ACO2: variants seen among roughly 807,000 people sequenced by gnomAD.
The protein encoded by ACO2 is aconitate hydratase, mitochondrial.
In ACO2, 31 loss-of-function variants were observed where a neutral mutation model predicts 84.5. The ratio of observed to expected loss-of-function variants is 0.37; its 90% CI spans 0.28 to 0.50. ACO2 has a LOEUF of 0.50. ACO2 is among the 20% of genes least tolerant of loss of function. The pLI, the probability that ACO2 is intolerant of heterozygous loss-of-function variation, is 0.97. For synonymous variants in ACO2, 414 were observed against 412.7 expected, an observed-to-expected ratio of 1.00 and a Z score of -0.04; for missense variants, 685 against 1,029.3, an observed-to-expected ratio of 0.67 and a Z score of 4.58.
In ACO2 at chr22:41,511,937, T is replaced by C; in HGVS notation, c.494T>C (p.Phe165Ser). The C allele has an allele frequency of 6.2e-7, 1 of 1,611,426 alleles. No individual in the cohort carries two copies. The highest frequency in any genetic ancestry group is 8.5e-7 in the Non-Finnish European group (1 of 1,178,948). ...ATAGAKYGVG[F>S]WKPGSGIIHQ... is the part of the protein sequence containing the mutation. ...GCAGGTGCCAAATATGGCGTGGGCT[T>C]CTGGAAGCCTGGATCTGGAATCATT... The change falls in exon 4 of 18, where the codon TTC becomes TCC. Residue 165 changes from phenylalanine (F) to serine (S), a missense_variant. Phe to Ser is a radical substitution (Grantham distance 155). This residue lies in a region of ACO2 where 92 missense variants were observed against 203.7 expected (regional missense o/e 0.45). Coordinates refer to ENST00000216254, the MANE Select transcript of ACO2 (RefSeq NM_001098.3).
At chr22:41,517,270 C>T (rs1375836607) in intron 6 of ACO2, 10 of 460,244 alleles carry the variant, frequency 2.2e-5, no homozygotes, top group Middle Eastern at 6.4e-4. Context: ...GCTGAATCTT[C>T]ACCTGAGTCC....
At chr22:41,505,766 C>T (rs1039331114) in intron 2 of ACO2, among the ~76,000 whole-genome samples, 5 of 149,524 alleles carry the variant, frequency 3.3e-5, no homozygotes, top group South Asian at 2.2e-4. Flanking sequence ...GGCAAAGGGG[C>T]GGGAGGGAGT....
chr22:41,522,270 G>C (rs1470443324), intron 9 of ACO2, among the ~76,000 whole-genome samples: 1 of 152,208 alleles, frequency 6.6e-6, no homozygotes, highest in Non-Finnish European at 1.5e-5. Flanking sequence ...AGGAGTTAGA[G>C]ACTGCAGTGA....
chr22:41,516,131 G>A (rs2066474390), intron 6 of ACO2: 1 of 679,304 alleles, frequency 1.5e-6, no homozygotes, highest in Non-Finnish European at 2.5e-6. Context: ...TGAGATACCT[G>A]TCGAGGCTGC....
chr22:41,514,754 C>T (rs1237311961), intron 4 of ACO2, among the ~76,000 whole-genome samples: 1 of 152,198 alleles, frequency 6.6e-6, no homozygotes, highest in Non-Finnish European at 1.5e-5. Context: ...GAAGGGAGTA[C>T]TGTGAAATGG....
chr22:41,472,723 C>T (rs1189817760), intron 1 of ACO2, among the ~76,000 whole-genome samples: 1 of 152,272 alleles, frequency 6.6e-6, no homozygotes, highest in East Asian at 1.9e-4. Flanking sequence ...GCTGAGATTA[C>T]AAGCGTGAGC....
In ACO2 at chr22:41,515,889, G is replaced by A. The variant is rs1310361600; in HGVS notation, c.807G>A (p.Gly269=). 2 of 1,614,068 alleles carry A rather than the reference G, an allele frequency of 1.2e-6. No individual in the cohort carries two copies. The highest frequency in any genetic ancestry group is 8.5e-7 in the Non-Finnish European group (1 of 1,180,000). Reference sequence around the variant, plus strand: ...CAGGTGCAATCGTGGAATACCACGGGCCTGGTGTAGACTCCATCTCCTGCA... The same window carrying A: ...CAGGTGCAATCGTGGAATACCACGGACCTGGTGTAGACTCCATCTCCTGCA... ...GGTGAIVEYH[G]PGVDSISCTG... is the part of the protein sequence containing the mutation. Residue 269 remains glycine, a synonymous_variant, in exon 6 of 18, where the codon GGG becomes GGA. Transcript: ENST00000216254. This position sits in a 1 kb window ranked among gnomAD's most constrained non-coding sequence, Gnocchi z 5.8.
chr22:41,511,110 A>G (rs1409489688), intron 3 of ACO2, among the ~76,000 whole-genome samples: 6 of 151,966 alleles, frequency 3.9e-5, no homozygotes, highest in Non-Finnish European at 7.4e-5. Flanking sequence ...GGCTCAAGTG[A>G]TCTTCCTGCC....
chr22:41,524,290 G>A (rs983991805), intron 12 of ACO2, among the ~76,000 whole-genome samples: 2 of 152,208 alleles, frequency 1.3e-5, no homozygotes, highest in African/African-American at 4.8e-5. Context: ...GAAAGTGCGT[G>A]GGACACATGC....
At chr22:41,528,353 C>G in intron 17 of ACO2, 126 bp from the exon 18 acceptor site, 1 of 1,366,092 alleles carries the variant, frequency 7.3e-7, no homozygotes. Flanking sequence ...CACAGACTGG[C>G]CTAGGATTTG....
At chr22:41,518,721 G>A in intron 8 of ACO2, 149 bp downstream of exon 8, 1 of 633,410 alleles carries the variant, frequency 1.6e-6, no homozygotes, top group Non-Finnish European at 2.8e-6. Flanking sequence ...GTCAGTTGAG[G>A]TCAGCAGTTC....
intron 17 of ACO2, chr22:41,528,267 G>A (rs2066646041): frequency 3.5e-6 from 3 of 845,360 alleles, no homozygotes; most frequent in Admixed American, 2.9e-5. Context: ...TCAGGGGACA[G>A]CCCACCCACT....
At chr22:41,489,105 T>G (rs1288315606) in intron 1 of ACO2, among the ~76,000 whole-genome samples, 2 of 152,104 alleles carry the variant, frequency 1.3e-5, no homozygotes, top group African/African-American at 4.8e-5. Flanking sequence ...GTGGCACACA[T>G]GATCACAGCC....
rs1321242299 is a variant in ACO2 at position 41,524,862 on chromosome 22, C to T, written c.1499C>T (p.Ala500Val). 3 of 1,614,098 alleles carry T rather than the reference C, an allele frequency of 1.9e-6. No individual in the cohort carries two copies. The highest frequency in any genetic ancestry group is 1.7e-5 in the Admixed American group (1 of 60,004). Residue 500 changes from alanine to valine, a missense_variant, in exon 13 of 18, where the codon GCC becomes GTC. Physicochemically the swap from Ala to Val is moderately conservative, Grantham distance 64. Coordinates refer to ENST00000216254, the MANE Select transcript of ACO2 (RefSeq NM_001098.3). ...VTSPEIVTALAIAGTLKFNPE... is the reference protein window; with the variant it reads ...VTSPEIVTALVIAGTLKFNPE... ...CCATTTCAGATTGTCACAGCCCTGG[C>T]CATTGCGGGAACCCTCAAGTTCAAC... is the stretch of plus-strand genomic sequence containing the variant.
chr22:41,517,905 C>A (rs1242108454), intron 7 of ACO2, among the ~76,000 whole-genome samples: 1 of 152,230 alleles, frequency 6.6e-6, no homozygotes, highest in Non-Finnish European at 1.5e-5. Flanking sequence ...TGGCTGAATG[C>A]CCGCCCTTCT....
intron 1 of ACO2, among the ~76,000 whole-genome samples, chr22:41,478,906 G>A (rs1569000889): frequency 6.6e-6 from 1 of 152,026 alleles, no homozygotes; most frequent in African/African-American, 2.4e-5. Flanking sequence ...AAGTAGCTGG[G>A]ACCAGAGGCA....
chr22:41,522,770 TG>T, intron 9 of ACO2, 59 bp from the exon 10 acceptor site: 1 of 1,568,468 alleles, frequency 6.4e-7, no homozygotes, highest in Non-Finnish European at 8.7e-7. Context: ...TGAAGTCAGG[TG>T]GAGACCTCTG....
At chr22:41,525,161 A>G in intron 13 of ACO2, 32 bp from the exon 14 acceptor site, 1 of 1,610,112 alleles carries the variant, frequency 6.2e-7, no homozygotes, top group South Asian at 1.1e-5. Context: ...CTGAGGACTC[A>G]GCACCCCACG....
intron 14 of ACO2, 110 bp downstream of exon 14, chr22:41,525,458 G>A: frequency 7.3e-7 from 1 of 1,372,094 alleles, no homozygotes; most frequent in Non-Finnish European, 1.0e-6. Context: ...CAAGACGCAG[G>A]TGGGAGATGG....
Sources: gnomAD v4.1 joint callset for allele counts (sites outside exome capture counted in the v4.1 genomes callset) on GRCh38, gnomAD v4.1.1 for gene constraint, gnomAD v4.1.1 regional missense constraint, Gnocchi (gnomAD v3.1) non-coding constraint, MANE v1.5 for transcripts, NCBI Gene and HGNC (gene_info 2026-07-23, HGNC 2026-07-21) for gene names.